Variants in HERC1 observed in about 807,000 individuals in gnomAD.
HERC1 encodes the protein probable E3 ubiquitin-protein ligase HERC1.
In HERC1, 160 loss-of-function variants were observed where a neutral mutation model predicts 554.3. The observed-to-expected ratio is 0.29, with a 90% CI of 0.25 to 0.33. HERC1 has a LOEUF of 0.33. HERC1 is among the 10% of genes least tolerant of loss of function. HERC1 has a pLI of 1.00. For missense variants in HERC1, 4,919 were observed against 5,918.5 expected (o/e 0.83, Z 5.54); for synonymous variants, 2,175 against 2,131.7 (o/e 1.02, Z -0.56).
intron 3 of HERC1, 51 bp downstream of exon 3, chr15:63,764,045 A>T: frequency 8.3e-7 from 1 of 1,205,890 alleles, no homozygotes; most frequent in Non-Finnish European, 1.2e-6. Flanking sequence ...AATACATGCC[A>T]TAGCATTTTA....
At chr15:63,826,430 T>A (rs1342511828) in intron 1 of HERC1, among the ~76,000 whole-genome samples, 17 of 152,202 alleles carry the variant, frequency 1.1e-4, no homozygotes, top group African/African-American at 4.1e-4. Context: ...TATATACCGT[T>A]CAAAATAACT....
At chr15:63,781,548 C>T (rs919902301) in intron 1 of HERC1, among the ~76,000 whole-genome samples, 3 of 152,108 alleles carry the variant, frequency 2.0e-5, no homozygotes, top group Admixed American at 6.6e-5. Flanking sequence ...ATAAATGGTA[C>T]GTGTTTTGAC....
rs1227714178 is a variant in HERC1, at chr15:63,680,886, G to C, written c.6226-110C>G. ...TTATAAATAATACTAATGCATTTAT[G>C]GAAACATGTTATTTTCAGCATAAAT... is the stretch of plus-strand genomic sequence containing the variant. On this transcript the variant is annotated intron_variant, in intron 34 of 77. Transcript: ENST00000443617. This position sits in a 1 kb window ranked among gnomAD's most constrained non-coding sequence, Gnocchi z 5.8. 1 of 661,632 alleles carries C rather than the reference G, an allele frequency of 1.5e-6. No homozygotes were observed. The highest frequency in any genetic ancestry group is 2.5e-6 in the Non-Finnish European group (1 of 392,524). The allele number at this position is 661,632 out of a possible 1,614,324, so 41.0% of individuals were successfully genotyped here.
intron 42 of HERC1, 35 bp downstream of exon 42, chr15:63,665,884 C>G (rs767213337): frequency 1.3e-6 from 2 of 1,501,626 alleles, no homozygotes; most frequent in African/African-American, 2.8e-5. Flanking sequence ...AAATTTATAA[C>G]ACATGGAACA....
At chr15:63,642,431 G>T (rs901025192) in intron 59 of HERC1, among the ~76,000 whole-genome samples, 3 of 152,068 alleles carry the variant, frequency 2.0e-5, no homozygotes, top group Admixed American at 2.0e-4. Context: ...TCTGCCTCCT[G>T]GGTTCAACCA....
intron 1 of HERC1, among the ~76,000 whole-genome samples, chr15:63,794,053 G>C (rs1296598473): frequency 6.6e-6 from 1 of 152,102 alleles, no homozygotes; most frequent in Non-Finnish European, 1.5e-5. Flanking sequence ...TCCCATCAGC[G>C]CCATGACAGT....
chr15:63,757,262 CTTTTT>C (rs56196711), intron 4 of HERC1, among the ~76,000 whole-genome samples: 2 of 107,884 alleles, frequency 1.9e-5, no homozygotes, highest in Admixed American at 2.3e-4. Flanking sequence ...TTTTTATTTA[CTTTTT>C]TTTTTTTTTT....
chr15:63,758,109 T>G lies in HERC1; in HGVS notation c.1221+66A>C. ...CATTTAAAAAATACTCAGTATTATT[T>G]AATGCAAATAAGCATGAATATACAC... On this transcript the variant is annotated intron_variant, in intron 4 of 77. Transcript: ENST00000443617. The surrounding 1 kb of genome is among the most constrained non-coding windows in gnomAD (Gnocchi z 4.0). The G allele has an allele frequency of 8.8e-7, 1 of 1,132,698 alleles. No individual in the cohort carries two copies. Among genetic ancestry groups the G allele is most frequent in the East Asian group, 2.4e-5 (1 of 42,056 alleles). 70.2% of individuals were successfully genotyped at this position (1,132,698 alleles called of 1,614,324 possible). A position where few individuals can be genotyped will look rare whatever the true frequency, so the allele number is the denominator to read the frequency against.
intron 76 of HERC1, among the ~76,000 whole-genome samples, chr15:63,614,223 G>A (rs117394050): frequency 1.3e-5 from 2 of 152,326 alleles, no homozygotes; most frequent in East Asian, 1.9e-4. Flanking sequence ...CTCAGAAGAA[G>A]GGTCATCAGA....
In HERC1 at chr15:63,749,604, A is replaced by C. The variant is rs940995778; in HGVS notation, c.2047+43T>G. 2 of 1,585,534 alleles carry C rather than the reference A, an allele frequency of 1.3e-6. No individual in the cohort carries two copies. Among genetic ancestry groups the C allele is most frequent in the African/African-American group, 1.4e-5 (1 of 73,136 alleles). On this transcript the variant is annotated intron_variant, in intron 9 of 77. Coordinates refer to ENST00000443617, the MANE Select transcript of HERC1 (RefSeq NM_003922.4). The surrounding 1 kb of genome is among the most constrained non-coding windows in gnomAD (Gnocchi z 4.1). ...AATTCAAATGTAATATATTTACACA[A>C]GACAACAGTTAATACTATTTCCTTA...
chr15:63,774,791 A>G lies in HERC1; in HGVS notation c.833T>C (p.Val278Ala), dbSNP rs1567112996. The change falls in exon 2 of 78, where the codon GTA becomes GCA. Residue 278 changes from valine (V) to alanine (A), a missense_variant. By Grantham distance (64) the Val-to-Ala change is moderately conservative (BLOSUM62 0). Transcript: ENST00000443617. The part of the protein sequence containing the change: ...IEMALGASAV[V>A]HTMEKGKLLS... The stretch of plus-strand genomic sequence containing the variant: ...TAGTTTGCCTTTCTCCATGGTGTGT[A>G]CAACTGCCGAAGCCCCCAAAGCCAT... 6.2e-7 allele frequency: 1 copy of G among 1,613,982 alleles called. No individual in the cohort carries two copies.
Position 63,694,480 on chromosome 15 carries a change from G to A in HERC1, c.5312C>T (p.Ser1771Phe), listed in dbSNP as rs1228119106. The A allele has an allele frequency of 6.2e-7, 1 of 1,613,868 alleles. No homozygotes were observed. Among genetic ancestry groups the A allele is most frequent in the Non-Finnish European group, 8.5e-7 (1 of 1,179,886 alleles). The change falls in exon 29 of 78, where the codon TCT (serine) becomes TTT (phenylalanine). Residue 1771 changes from serine (S) to phenylalanine (F), a missense_variant. This residue lies in a region of HERC1 where 1,121 missense variants were observed against 1,244.0 expected (regional missense o/e 0.90). Coordinates refer to ENST00000443617, the MANE Select transcript of HERC1 (RefSeq NM_003922.4). The surrounding 1 kb of genome is among the most constrained non-coding windows in gnomAD (Gnocchi z 4.3). ...TAGCAGACCAGTGGAAATTGCCAAA[G>A]AAACATCTACTGGTTGATAATGAAC... ...LSVHYQPVDV[S>F]LAISTGLLNV...
intron 71 of HERC1, among the ~76,000 whole-genome samples, chr15:63,625,298 T>A (rs186175213): frequency 8.5e-4 from 129 of 152,366 alleles, no homozygotes; most frequent in South Asian, 7.2e-3. Context: ...CAGATTAATT[T>A]ATGTAACAAC....
chr15:63,732,352 G>A (rs962236469), intron 14 of HERC1, among the ~76,000 whole-genome samples: 1 of 152,126 alleles, frequency 6.6e-6, no homozygotes, highest in Non-Finnish European at 1.5e-5. Context: ...ATATAAAGAA[G>A]TTATTTAATA....
At chr15:63,789,814 A>AAATAAATAAATG (rs1482640628) in intron 1 of HERC1, among the ~76,000 whole-genome samples, 38 of 149,744 alleles carry the variant, frequency 2.5e-4, no homozygotes, top group African/African-American at 8.8e-4. Flanking sequence ...ATAAATAAAT[A>AAATAAATAAATG]AATAAATAAA....
chr15:63,687,768 T>G (rs1254621896), intron 33 of HERC1, among the ~76,000 whole-genome samples: 1 of 152,162 alleles, frequency 6.6e-6, no homozygotes, highest in African/African-American at 2.4e-5. Context: ...AAAGAGTGTG[T>G]GGCAACTACT....
intron 1 of HERC1, among the ~76,000 whole-genome samples, chr15:63,784,221 C>T (rs1045273816): frequency 6.6e-6 from 1 of 151,874 alleles, no homozygotes; most frequent in South Asian, 2.1e-4. Flanking sequence ...TTTTTAAGTA[C>T]CAGTGGAAAA....
rs775793144 is a variant in HERC1, at chr15:63,634,741, T to A, written c.12562A>T (p.Ile4188Phe). ...ERVTALEGYQ[I>F]GQVACGLNHT... ...ATTGATTTATTCCATGCCTGTCCAA[T>A]CTGATATCCCTCCAGTGCAGTCACT... Residue 4188 changes from isoleucine to phenylalanine, a missense_variant, in exon 66 of 78, where the codon ATT becomes TTT. By Grantham distance (21) the Ile-to-Phe change is conservative. Around this residue, in one of 11 missense-constraint regions of HERC1, gnomAD observed 410 missense variants for 467.0 expected, o/e 0.88. Coordinates refer to ENST00000443617, the MANE Select transcript of HERC1 (RefSeq NM_003922.4). The A allele has an allele frequency of 6.2e-7, 1 of 1,612,476 alleles. No individual in the cohort carries two copies. The highest frequency in any genetic ancestry group is 1.1e-5 in the South Asian group (1 of 90,780).
intron 25 of HERC1, among the ~76,000 whole-genome samples, chr15:63,705,871 T>C (rs1288675055): frequency 2.6e-5 from 4 of 151,382 alleles, no homozygotes; most frequent in Non-Finnish European, 5.9e-5. Context: ...TCTACAAAAA[T>C]AATAAAAAAC....
Sources: gnomAD v4.1 joint callset for allele counts (sites outside exome capture counted in the v4.1 genomes callset) on GRCh38, gnomAD v4.1.1 for gene constraint, gnomAD v4.1.1 regional missense constraint, Gnocchi (gnomAD v3.1) non-coding constraint, MANE v1.5 for transcripts, NCBI Gene and HGNC (gene_info 2026-07-23, HGNC 2026-07-21) for gene names.